PCDHB11: variants seen among roughly 807,000 people sequenced by gnomAD.
The protein encoded by PCDHB11 is protocadherin beta-11.
For missense variants in PCDHB11, 1,151 were observed against 1,003.4 expected (o/e 1.15, Z -1.99); for synonymous variants, 522 against 442.0 (o/e 1.18, Z -2.27).
chr5:141,199,950 T>A lies in PCDHB11; in HGVS notation c.176T>A (p.Leu59Gln). ...AKDLGLKVRE[L>Q]SSRGARVVSN... is the part of the protein sequence containing the mutation. Reference sequence around the variant, plus strand: ...GACCTGGGGCTGAAGGTGAGAGAACTGTCCTCACGGGGGGCTCGGGTGGTC... The same window carrying A: ...GACCTGGGGCTGAAGGTGAGAGAACAGTCCTCACGGGGGGCTCGGGTGGTC... Residue 59 changes from leucine (L) to glutamine (Q), a missense_variant, in exon 1 of 1, where the codon CTG becomes CAG. Coordinates refer to ENST00000354757, the MANE Select transcript of PCDHB11 (RefSeq NM_018931.3). The A allele has an allele frequency of 6.2e-7, 1 of 1,614,140 alleles. No homozygotes were observed. Among genetic ancestry groups the A allele is most frequent in the Non-Finnish European group, 8.5e-7 (1 of 1,180,024 alleles).
Position 141,200,221 on chromosome 5 carries a change from T to C in PCDHB11, c.447T>C (p.Gly149=), listed in dbSNP as rs1754135666. Residue 149 remains glycine (G), a synonymous_variant, in exon 1 of 1, where the codon GGT becomes GGC. Transcript: ENST00000354757. The part of the protein sequence containing the change: ...LLEIPENSPV[G]AVFLLESAKD... ...AAATCCCAGAGAACAGTCCCGTTGGTGCTGTGTTCTTACTAGAAAGTGCGA... is the reference window on the plus strand; with the variant it reads ...AAATCCCAGAGAACAGTCCCGTTGGCGCTGTGTTCTTACTAGAAAGTGCGA... 6.2e-7 allele frequency: 1 copy of C among 1,614,026 alleles called. No homozygotes were observed. The highest frequency in any genetic ancestry group is 1.3e-5 in the African/African-American group (1 of 74,912).
Position 141,201,932 on chromosome 5 carries a change from G to T in PCDHB11, c.2158G>T (p.Ala720Ser), listed in dbSNP as rs782224518. Residue 720 changes from alanine (A) to serine (S), a missense_variant, in exon 1 of 1, where the codon GCC (alanine) becomes TCC (serine). By Grantham distance (99) the Ala-to-Ser change is moderately conservative. Transcript: ENST00000354757. ...AVRLCRRSRA[A>S]SVGSCSVPKG... ...GCGGCTGTGCAGGAGGAGCAGGGCG[G>T]CCTCGGTGGGAAGCTGCTCGGTGCC... 6.2e-7 allele frequency: 1 copy of T among 1,613,976 alleles called. No homozygotes were observed. Among genetic ancestry groups the T allele is most frequent in the East Asian group, 2.2e-5 (1 of 44,858 alleles).
Position 141,202,344 on chromosome 5 carries a change from G to A in PCDHB11, c.*176G>A, listed in dbSNP as rs1382461434. 12 of 592,232 alleles carry A rather than the reference G, an allele frequency of 2.0e-5. No individual in the cohort carries two copies. The East Asian group carries it at 3.8e-4, about 19-fold the overall frequency. 36.7% of individuals were successfully genotyped at this position (592,232 alleles called of 1,614,324 possible). A position where few individuals can be genotyped will look rare whatever the true frequency, so the allele number is the denominator to read the frequency against. The stretch of plus-strand genomic sequence containing the variant: ...AGACCGAGTCTCATTCTGTCGCCCT[G>A]GCTGGAGTGCAATGGTGTGATCTCA... On this transcript the variant is annotated 3_prime_UTR_variant, in exon 1 of 1. Transcript: ENST00000354757.
rs1754169834 is a variant in PCDHB11 at position 141,201,099 on chromosome 5, C to A, written c.1325C>A (p.Ser442Tyr). Residue 442 changes from serine to tyrosine, a missense_variant, in exon 1 of 1, where the codon TCT (serine) becomes TAT (tyrosine). Physicochemically the swap from Ser to Tyr is moderately radical, Grantham distance 144. Transcript: ENST00000354757. ...KTEHNTTVLV[S>Y]DVNDNAPTFT... is the part of the protein sequence containing the mutation. ...GAGCACAACACAACTGTGTTGGTCT[C>A]TGACGTCAATGACAACGCCCCCACC... is the stretch of plus-strand genomic sequence containing the variant. 1.2e-6 allele frequency: 2 copies of A among 1,614,180 alleles called. No individual in the cohort carries two copies. The highest frequency in any genetic ancestry group is 2.2e-5 in the South Asian group (2 of 91,080).
In PCDHB11 at chr5:141,199,766, A is replaced by G; in HGVS notation, c.-9A>G. The G allele has an allele frequency of 6.2e-7, 1 of 1,609,792 alleles. No individual in the cohort carries two copies. The highest frequency in any genetic ancestry group is 8.5e-7 in the Non-Finnish European group (1 of 1,177,352). ...AGCCTTTCTTCAAGAAGCCTACAAG[A>G]AAGGAACTATGGAGAACCAAGGGAC... On this transcript the variant is annotated 5_prime_UTR_variant, in exon 1 of 1. Coordinates refer to ENST00000354757, the MANE Select transcript of PCDHB11 (RefSeq NM_018931.3).
Position 141,201,715 on chromosome 5 carries a change from T to C in PCDHB11, c.1941T>C (p.Asn647=), listed in dbSNP as rs1386753322. The C allele has an allele frequency of 1.2e-6, 2 of 1,607,348 alleles. No homozygotes were observed. The highest frequency in any genetic ancestry group is 3.3e-5 in the Admixed American group (2 of 59,992). The part of the protein sequence containing the change: ...KHRLVVLVKD[N]GEPPRSATAT... ...GGCTGGTGGTGCTGGTCAAGGACAA[T>C]GGCGAGCCTCCGCGCTCGGCCACCG... Residue 647 remains asparagine, a synonymous_variant, in exon 1 of 1, where the codon AAT becomes AAC. Coordinates refer to ENST00000354757, the MANE Select transcript of PCDHB11 (RefSeq NM_018931.3).
In PCDHB11 at chr5:141,200,551, G is replaced by A; in HGVS notation, c.777G>A (p.Ser259=). ...VKIRENSILG[S]LILIVSAWDL... is the part of the protein sequence containing the mutation. ...TTCGGGAGAATAGCATCCTTGGCTC[G>A]CTGATTTTGATTGTCTCAGCTTGGG... Residue 259 remains serine, a synonymous_variant, in exon 1 of 1, where the codon TCG becomes TCA. Transcript: ENST00000354757. 6 of 1,614,124 alleles carry A rather than the reference G, an allele frequency of 3.7e-6. No homozygotes were observed. The highest frequency in any genetic ancestry group is 1.1e-5 in the South Asian group (1 of 91,072).
rs1554285823 is a variant in PCDHB11, at chr5:141,202,089, C to G, written c.2315C>G (p.Pro772Arg). ...TTCAAGTTCCTAAAACCGGTTATCC[C>G]TAATATCCAGGCAAAAGGTCTTGGG... Reference protein sequence around the residue: ...NEFKFLKPVIPNIQAKGLGKN... With the variant: ...NEFKFLKPVIRNIQAKGLGKN... The change falls in exon 1 of 1, where the codon CCT becomes CGT. Residue 772 changes from proline (P) to arginine (R), a missense_variant. Physicochemically the swap from Pro to Arg is moderately radical, Grantham distance 103. Coordinates refer to ENST00000354757, the MANE Select transcript of PCDHB11 (RefSeq NM_018931.3). 2 of 1,614,170 alleles carry G rather than the reference C, an allele frequency of 1.2e-6. No individual in the cohort carries two copies. The highest frequency in any genetic ancestry group is 3.3e-5 in the Admixed American group (2 of 60,014).
At position 141,202,611 on chromosome 5, in the gene PCDHB11, T is replaced by TC. The variant is rs1465068431; in HGVS notation, c.*443_*444insC. ...GTGAGCCACTGCGCCCGGCCTTTTTTTTTTCTTTTCTTTTCTTTTTTTTGA... is the reference window on the plus strand; with the variant it reads ...GTGAGCCACTGCGCCCGGCCTTTTTTCTTTTCTTTTCTTTTCTTTTTTTTGA... On this transcript the variant is annotated 3_prime_UTR_variant, in exon 1 of 1. Coordinates refer to ENST00000354757, the MANE Select transcript of PCDHB11 (RefSeq NM_018931.3). 6.6e-6 allele frequency: 1 copy of TC among 152,092 alleles called. No homozygotes were observed. Among genetic ancestry groups the TC allele is most frequent in the Non-Finnish European group, 1.5e-5 (1 of 68,676 alleles). 9.4% of individuals were successfully genotyped at this position (152,092 alleles called of 1,614,324 possible). A position where few individuals can be genotyped will look rare whatever the true frequency, so the allele number is the denominator to read the frequency against.
rs782212538 is a variant in PCDHB11 at position 141,200,507 on chromosome 5, G to A, written c.733G>A (p.Ala245Thr). The change falls in exon 1 of 1, where the codon GCT becomes ACT. Residue 245 changes from alanine (A) to threonine (T), a missense_variant. Ala to Thr is a moderately conservative substitution (Grantham distance 58). Transcript: ENST00000354757. ...INDNSPEFEQ[A>T]FYEVKIRENS... ...TGACAACTCCCCTGAATTTGAGCAG[G>A]CTTTTTATGAGGTGAAGATTCGGGA... The A allele has an allele frequency of 1.9e-6, 3 of 1,613,962 alleles. No individual in the cohort carries two copies. The highest frequency in any genetic ancestry group is 1.6e-4 in the Middle Eastern group (1 of 6,084).
Position 141,201,017 on chromosome 5 carries a change from G to T in PCDHB11, c.1243G>T (p.Ala415Ser), listed in dbSNP as rs782699659. 5.0e-6 allele frequency: 8 copies of T among 1,614,202 alleles called. No homozygotes were observed. Among genetic ancestry groups the T allele is most frequent in the Non-Finnish European group, 2.5e-6 (3 of 1,180,038 alleles). The change falls in exon 1 of 1, where the codon GCC becomes TCC. Residue 415 changes from alanine (A) to serine (S), a missense_variant. By Grantham distance (99) the Ala-to-Ser change is moderately conservative. Transcript: ENST00000354757. Reference protein sequence around the residue: ...TERPLDRESTAEYNITITVTD... With the variant: ...TERPLDRESTSEYNITITVTD... ...GAGACCACTGGACAGAGAGAGCACA[G>T]CCGAGTACAATATCACCATCACCGT...
rs61474131 is a variant in PCDHB11, at chr5:141,202,385, C to A, written c.*217C>A. On this transcript the variant is annotated 3_prime_UTR_variant, in exon 1 of 1. Transcript: ENST00000354757. ...TGTGATCTCAGCTCACTGCACCCTC[C>A]GCCTCTCGGGTTCAAGCAATTCTCC... 0.16 allele frequency: 60,783 copies of A among 379,800 alleles called. 5,686 individuals carry two copies. Among genetic ancestry groups the A allele is most frequent in the African/African-American group, 0.24 (11,145 of 46,804 alleles). The allele number at this position is 379,800 out of a possible 1,614,324, so 23.5% of individuals were successfully genotyped here. A position where few individuals can be genotyped will look rare whatever the true frequency, so the allele number is the denominator to read the frequency against.
rs782637724 is a variant in PCDHB11, at chr5:141,200,039, AC to A, written c.266del (p.Thr89AsnfsTer2). On this transcript the variant is annotated frameshift_variant, in exon 1 of 1. Coordinates refer to ENST00000354757, the MANE Select transcript of PCDHB11 (RefSeq NM_018931.3). LOFTEE classifies it low-confidence loss of function (END_TRUNC). The part of the protein sequence containing the change: ...INTGDLLLSE[T>X]LDREELCGSI... ...CACTGGGGATTTGCTCTTAAGTGAA[AC>A]ACTAGACAGGGAGGAGCTCTGCGGT... 11 of 1,614,066 alleles carry A rather than the reference AC, an allele frequency of 6.8e-6. No homozygotes were observed. Among genetic ancestry groups the A allele is most frequent in the Non-Finnish European group, 9.3e-6 (11 of 1,180,054 alleles).
rs1554285355 is a variant in PCDHB11 at position 141,200,653 on chromosome 5, A to C, written c.879A>C (p.Glu293Asp). 6.2e-7 allele frequency: 1 copy of C among 1,614,230 alleles called. No homozygotes were observed. Among genetic ancestry groups the C allele is most frequent in the Non-Finnish European group, 8.5e-7 (1 of 1,180,044 alleles). Residue 293 changes from glutamate (E) to aspartate (D), a missense_variant, in exon 1 of 1, where the codon GAA (glutamate) becomes GAC (aspartate). Physicochemically the swap from Glu to Asp is conservative, Grantham distance 45. Coordinates refer to ENST00000354757, the MANE Select transcript of PCDHB11 (RefSeq NM_018931.3). ...HASEDIRKTF[E>D]INQKSGEITL... is the part of the protein sequence containing the mutation. Reference sequence around the variant, plus strand: ...CAGAAGATATTCGCAAGACATTTGAAATTAATCAAAAGTCTGGAGAAATTA... The same window carrying C: ...CAGAAGATATTCGCAAGACATTTGACATTAATCAAAAGTCTGGAGAAATTA...
In PCDHB11 at chr5:141,199,978, T is replaced by C; in HGVS notation, c.204T>C (p.Ser68=). 2 of 1,614,144 alleles carry C rather than the reference T, an allele frequency of 1.2e-6. No individual in the cohort carries two copies. Among genetic ancestry groups the C allele is most frequent in the Middle Eastern group, 1.6e-4 (1 of 6,062 alleles). Residue 68 remains serine, a synonymous_variant, in exon 1 of 1, where the codon TCT becomes TCC. Transcript: ENST00000354757. ...CCTCACGGGGGGCTCGGGTGGTCTC[T>C]AATGATAAGAAACAGCGTTTGCAGC... ...ELSSRGARVV[S]NDKKQRLQLD...
rs782736973 is a variant in PCDHB11, at chr5:141,200,838, C to T, written c.1064C>T (p.Pro355Leu). 11 of 1,614,148 alleles carry T rather than the reference C, an allele frequency of 6.8e-6. No individual in the cohort carries two copies. Among genetic ancestry groups the T allele is most frequent in the Non-Finnish European group, 8.5e-6 (10 of 1,180,022 alleles). The change falls in exon 1 of 1, where the codon CCA (proline) becomes CTA (leucine). Residue 355 changes from proline (P) to leucine (L), a missense_variant. Pro to Leu is a moderately conservative substitution (Grantham distance 98). Coordinates refer to ENST00000354757, the MANE Select transcript of PCDHB11 (RefSeq NM_018931.3). ...ATCACTGTGTCATCAATTACCAGTC[C>T]AATCCCAGAAAATACGCCAGAGACC... ...PEITVSSITS[P>L]IPENTPETVV...
rs201273170 is a variant in PCDHB11, at chr5:141,201,872, C to T, written c.2098C>T (p.Leu700Phe). The T allele has an allele frequency of 3.5e-5, 57 of 1,611,710 alleles. No homozygotes were observed. The highest frequency in any genetic ancestry group is 4.5e-5 in the Non-Finnish European group (53 of 1,179,896). Residue 700 changes from leucine to phenylalanine, a missense_variant, in exon 1 of 1, where the codon CTC (leucine) becomes TTC (phenylalanine). Leu to Phe is a conservative substitution (Grantham distance 22, BLOSUM62 0). Transcript: ENST00000354757. Reference sequence around the variant, plus strand: ...GGTGGCGTTGGCCTCGGTGTCTTCGCTCTTCCTCTTCTCGGTGCTCCTGTT... The same window carrying T: ...GGTGGCGTTGGCCTCGGTGTCTTCGTTCTTCCTCTTCTCGGTGCTCCTGTT... ...LVVALASVSS[L>F]FLFSVLLFVA...
rs782723216 is a variant in PCDHB11, at chr5:141,200,156, G to A, written c.382G>A (p.Asp128Asn). Residue 128 changes from aspartate to asparagine, a missense_variant, in exon 1 of 1, where the codon GAT becomes AAT. Physicochemically the swap from Asp to Asn is conservative, Grantham distance 23 (BLOSUM62 1). Coordinates refer to ENST00000354757, the MANE Select transcript of PCDHB11 (RefSeq NM_018931.3). ...TGAGCTTCAGGTCAGGGATATAAAT[G>A]ATCACTCTCCCATCTTCTCGGAAAA... ...QIELQVRDIN[D>N]HSPIFSEKQM... The A allele has an allele frequency of 3.1e-6, 5 of 1,614,088 alleles. No individual in the cohort carries two copies. Among genetic ancestry groups the A allele is most frequent in the Non-Finnish European group, 4.2e-6 (5 of 1,180,012 alleles).
chr5:141,199,953 C>T lies in PCDHB11; in HGVS notation c.179C>T (p.Ser60Phe). Residue 60 changes from serine to phenylalanine, a missense_variant, in exon 1 of 1, where the codon TCC becomes TTC. Physicochemically the swap from Ser to Phe is radical, Grantham distance 155. Coordinates refer to ENST00000354757, the MANE Select transcript of PCDHB11 (RefSeq NM_018931.3). ...CTGGGGCTGAAGGTGAGAGAACTGT[C>T]CTCACGGGGGGCTCGGGTGGTCTCT... Reference protein sequence around the residue: ...KDLGLKVRELSSRGARVVSND... With the variant: ...KDLGLKVRELFSRGARVVSND... 1 of 1,614,130 alleles carries T rather than the reference C, an allele frequency of 6.2e-7. No individual in the cohort carries two copies. Among genetic ancestry groups the T allele is most frequent in the East Asian group, 2.2e-5 (1 of 44,874 alleles).
Sources: gnomAD v4.1 joint callset for allele counts on GRCh38, gnomAD v4.1.1 for gene constraint, MANE v1.5 for transcripts, NCBI Gene and HGNC (gene_info 2026-07-23, HGNC 2026-07-21) for gene names.